Variants in MTO1 observed in about 807,000 individuals in gnomAD.
MTO1 encodes 5-taurinomethyluridine-[tRNA] synthase subunit MTO1, mitochondrial.
A neutral mutation model predicts 71.6 loss-of-function variants in MTO1; 46 were observed. The observed-to-expected ratio is 0.64, with a 90% CI of 0.51 to 0.82. The LOEUF (loss-of-function observed/expected upper bound fraction) is 0.82, where lower values mean the gene tolerates loss of function less well. Ranked by LOEUF, MTO1 falls within the 40% of genes least tolerant of loss-of-function variation. MTO1 has a pLI of 0.00. For missense variants in MTO1, 773 were observed against 867.5 expected (o/e 0.89, Z 1.37); for synonymous variants, 297 against 312.1 (o/e 0.95, Z 0.51).
In MTO1 at chr6:73,491,045, A is replaced by G. The variant is rs912426554; in HGVS notation, c.1638-1189A>G. On this transcript the variant is annotated intron_variant, in intron 9 of 11. Coordinates refer to ENST00000498286, the MANE Select transcript of MTO1 (RefSeq NM_012123.4). ...AAATCTCACTGGATCTATGTGCATT[A>G]ATACTTAGGCATGTTCTTTTGTTGG... Among the ~76,000 whole-genome samples, 2 of 152,186 alleles carry G rather than the reference A, an allele frequency of 1.3e-5. 1 individual carries two copies. Among genetic ancestry groups the G allele is most frequent in the South Asian group, 4.1e-4 (2 of 4,836 alleles).
At chr6:73,490,464 TG>T (rs201565843) in intron 9 of MTO1, among the ~76,000 whole-genome samples, 1,604 of 152,298 alleles carry the variant, frequency 0.011, 24 homozygotes, top group African/African-American at 0.036. Context: ...AATTAATTTT[TG>T]TATAAGGTGT....
intron 10 of MTO1, among the ~76,000 whole-genome samples, chr6:73,495,783 G>T (rs1771963157): frequency 6.6e-6 from 1 of 152,022 alleles, no homozygotes; most frequent in Non-Finnish European, 1.5e-5. Context: ...ATGATACCTT[G>T]AAGAGTCTAT....
intron 3 of MTO1, chr6:73,471,943 C>T (rs1771171505): frequency 6.6e-6 from 1 of 152,244 alleles, no homozygotes. Context: ...AATTCTGTAC[C>T]CATTAAACAA....
At chr6:73,464,853 A>C (rs1770938658) in intron 1 of MTO1, among the ~76,000 whole-genome samples, 2 of 150,156 alleles carry the variant, frequency 1.3e-5, no homozygotes. Flanking sequence ...AAAAAAAAAA[A>C]AAAAAAAACT....
In MTO1 at chr6:73,507,258, A is replaced by C. The variant is rs1234319511; in HGVS notation, c.*6523A>C. On this transcript the variant is annotated 3_prime_UTR_variant, in exon 12 of 12. Transcript: ENST00000498286. ...AGTGGGAGGATCACTTGAGCCCAGG[A>C]GTTCAAGGCTGCAGTGAGCTCTGAT... 1 of 152,234 alleles carries C rather than the reference A, an allele frequency of 6.6e-6. No homozygotes were observed. Among genetic ancestry groups the C allele is most frequent in the Non-Finnish European group, 1.5e-5 (1 of 68,090 alleles). 9.4% of individuals were successfully genotyped at this position (152,234 alleles called of 1,614,324 possible). A position where few individuals can be genotyped will look rare whatever the true frequency, so the allele number is the denominator to read the frequency against.
chr6:73,498,360 C>A (rs190702767), intron 11 of MTO1, among the ~76,000 whole-genome samples: 5 of 151,408 alleles, frequency 3.3e-5, no homozygotes, highest in Admixed American at 1.3e-4. Context: ...TAGTCCCAAC[C>A]ATGTGATAAA....
chr6:73,495,908 G>A (rs541178), intron 10 of MTO1, among the ~76,000 whole-genome samples: 138,126 of 152,182 alleles, frequency 0.91, 62,796 homozygotes, highest in East Asian at 0.95. Context: ...CCTGTGAAGG[G>A]CAGATATTAG....
Position 73,480,040 on chromosome 6 carries a change from G to A in MTO1, c.1043G>A (p.Gly348Glu), listed in dbSNP as rs1466599587. 1.2e-6 allele frequency: 2 copies of A among 1,614,014 alleles called. No homozygotes were observed. Among genetic ancestry groups the A allele is most frequent in the Non-Finnish European group, 1.7e-6 (2 of 1,180,026 alleles). The change falls in exon 6 of 12, where the codon GGG becomes GAG. Residue 348 changes from glycine to glutamate, a missense_variant. By Grantham distance (98) the Gly-to-Glu change is moderately conservative. Transcript: ENST00000498286. ...GATTCTGACCTTATCTACCCACAGG[G>A]GTTATCTATGACGCTACCAGCTGAG... ...GMDSDLIYPQ[G>E]LSMTLPAELQ...
At chr6:73,466,079 A>T in intron 1 of MTO1, 130 bp from the exon 2 acceptor site, 1 of 898,576 alleles carries the variant, frequency 1.1e-6, no homozygotes, top group Non-Finnish European at 1.7e-6. Flanking sequence ...TCTTTGTAGT[A>T]TATCTTTCAC....
At chr6:73,494,584 C>A (rs924999345) in intron 10 of MTO1, among the ~76,000 whole-genome samples, 1 of 150,562 alleles carries the variant, frequency 6.6e-6, no homozygotes, top group African/African-American at 2.4e-5. Context: ...TCAAACAATT[C>A]TCCTGCCTCA....
intron 11 of MTO1, 124 bp from the exon 12 acceptor site, chr6:73,500,450 C>A: frequency 1.4e-6 from 1 of 713,968 alleles, no homozygotes; most frequent in Non-Finnish European, 2.1e-6. Flanking sequence ...TAAGATAATA[C>A]ATCAAAATAA....
intron 3 of MTO1, among the ~76,000 whole-genome samples, chr6:73,472,862 A>G (rs916563098): frequency 6.6e-6 from 1 of 152,222 alleles, no homozygotes; most frequent in African/African-American, 2.4e-5. Flanking sequence ...TTATATGTCG[A>G]TAAGTCTTGA....
intron 1 of MTO1, among the ~76,000 whole-genome samples, chr6:73,463,488 A>C (rs1770886421): frequency 6.6e-6 from 1 of 152,148 alleles, no homozygotes; most frequent in Admixed American, 6.6e-5. Flanking sequence ...CTTGTAAATT[A>C]TGTATACTTT....
At position 73,502,550 on chromosome 6, in the gene MTO1, A is replaced by G. The variant is rs1772188190; in HGVS notation, c.*1815A>G. ...TTTTTTTCTGATTAAATACAAGAGT[A>G]AAAAAAGTGAATGGAGTGCCTTTTG... On this transcript the variant is annotated 3_prime_UTR_variant, in exon 12 of 12. Transcript: ENST00000498286. 6.6e-6 allele frequency: 1 copy of G among 152,100 alleles called. No homozygotes were observed. The highest frequency in any genetic ancestry group is 2.1e-4 in the South Asian group (1 of 4,830). 9.4% of individuals were successfully genotyped at this position (152,100 alleles called of 1,614,324 possible). A position where few individuals can be genotyped will look rare whatever the true frequency, so the allele number is the denominator to read the frequency against.
At chr6:73,490,384 T>G (rs1771771600) in intron 9 of MTO1, among the ~76,000 whole-genome samples, 1 of 152,202 alleles carries the variant, frequency 6.6e-6, no homozygotes, top group Non-Finnish European at 1.5e-5. Context: ...TCCTAAATGG[T>G]GTTGCCTAGG....
At chr6:73,491,411 A>AAG (rs1554150177) in intron 9 of MTO1, among the ~76,000 whole-genome samples, 3 of 142,268 alleles carry the variant, frequency 2.1e-5, no homozygotes, top group Admixed American at 1.4e-4. Context: ...AAAAAAAAAA[A>AAG]AAGAAGAAGA....
At chr6:73,469,181 T>G (rs142707478) in intron 3 of MTO1, among the ~76,000 whole-genome samples, 2 of 152,100 alleles carry the variant, frequency 1.3e-5, no homozygotes, top group African/African-American at 4.8e-5. Flanking sequence ...ATTTTCAATT[T>G]TTTTGGAGAC....
chr6:73,491,179 C>G (rs1237665568), intron 9 of MTO1, among the ~76,000 whole-genome samples: 1 of 151,746 alleles, frequency 6.6e-6, no homozygotes, highest in Non-Finnish European at 1.5e-5. Flanking sequence ...TTAGCCCATC[C>G]AGAGTGGGTA....
rs1401240564 is a variant in MTO1 at position 73,466,576 on chromosome 6, G to A, written c.505G>A (p.Gly169Arg). 1.9e-6 allele frequency: 3 copies of A among 1,613,940 alleles called. 1 individual carries two copies. Among genetic ancestry groups the A allele is most frequent in the Non-Finnish European group, 2.5e-6 (3 of 1,180,006 alleles). Residue 169 changes from glycine to arginine, a missense_variant, in exon 3 of 12, where the codon GGG becomes AGG. Gly to Arg is a moderately radical substitution (Grantham distance 125). Transcript: ENST00000498286. Reference protein sequence around the residue: ...ILTEPEPEHTGKCRVSGVVLV... With the variant: ...ILTEPEPEHTRKCRVSGVVLV... ...TACAGAACCAGAGCCTGAACACACT[G>A]GGAAATGCCGTGTCAGTGGGGTTGT...
Sources: allele counts gnomAD v4.1 joint callset (sites outside exome capture counted in the v4.1 genomes callset), GRCh38; gene constraint gnomAD v4.1.1; transcripts MANE v1.5; gene names NCBI Gene and HGNC (gene_info 2026-07-23, HGNC 2026-07-21).